Variants in ZNF827 observed in about 807,000 individuals in gnomAD.
ZNF827 encodes the protein zinc finger protein 827.
A neutral mutation model predicts 102.4 loss-of-function variants in ZNF827; 13 were observed. The observed-to-expected ratio is 0.13, with a 90% CI of 0.08 to 0.20. The LOEUF is 0.20. ZNF827 is among the 10% of genes least tolerant of loss of function. ZNF827 has a pLI of 1.00. For synonymous variants in ZNF827, 523 were observed against 536.2 expected, an observed-to-expected ratio of 0.98 and a Z score of 0.34; for missense variants, 1,103 against 1,344.4, an observed-to-expected ratio of 0.82 and a Z score of 2.81.
intron 8 of ZNF827, among the ~76,000 whole-genome samples, chr4:145,812,700 G>T (rs1742150523): frequency 6.6e-6 from 1 of 151,822 alleles, no homozygotes; most frequent in African/African-American, 2.4e-5. Flanking sequence ...GCTAACTTTT[G>T]TATTTTTAGT....
rs759732377 is a variant in ZNF827, at chr4:145,763,835, C to T, written c.3231-713G>A. Among the ~76,000 whole-genome samples, 31 of 152,176 alleles carry T rather than the reference C, an allele frequency of 2.0e-4. No individual in the cohort carries two copies. The highest frequency in any genetic ancestry group is 2.8e-4 in the Non-Finnish European group (19 of 68,022). ...TTTCCTTGAATTATAATCACCCCCT[C>T]CCCAATCCCTTCTGCCCTCCCCTCC... On this transcript the variant is annotated intron_variant, in intron 13 of 14. Coordinates refer to ENST00000508784, the MANE Select transcript of ZNF827 (RefSeq NM_001306215.2). This position sits in a 1 kb window ranked among gnomAD's most constrained non-coding sequence, Gnocchi z 4.6.
At chr4:145,787,463 G>C (rs1739040431) in intron 8 of ZNF827, among the ~76,000 whole-genome samples, 3 of 131,884 alleles carry the variant, frequency 2.3e-5, no homozygotes, top group Non-Finnish European at 1.6e-5. Context: ...CTCCGTCTCA[G>C]GAAAAAAAAA....
At chr4:145,810,007 G>A (rs1037996032) in intron 8 of ZNF827, among the ~76,000 whole-genome samples, 1 of 152,112 alleles carries the variant, frequency 6.6e-6, no homozygotes, top group African/African-American at 2.4e-5. Flanking sequence ...GACCCATCAG[G>A]CAATTACATG....
intron 8 of ZNF827, among the ~76,000 whole-genome samples, chr4:145,816,802 T>C (rs942768767): frequency 6.6e-6 from 1 of 152,216 alleles, no homozygotes; most frequent in East Asian, 1.9e-4. Flanking sequence ...CAGTGTGGAA[T>C]AGTTTTTGGA....
chr4:145,849,552 T>C lies in ZNF827; in HGVS notation c.1991A>G (p.Tyr664Cys), dbSNP rs138595837. 2 of 1,614,060 alleles carry C rather than the reference T, an allele frequency of 1.2e-6. No homozygotes were observed. The highest frequency in any genetic ancestry group is 2.2e-5 in the South Asian group (2 of 91,080). Reference protein sequence around the residue: ...ELLMKLSAESYKETQMVKIKE... With the variant: ...ELLMKLSAESCKETQMVKIKE... ...AATCTTCACCATCTGTGTTTCCTTG[T>C]AGCTTTCCGCTGCAAGTAGGTGAAT... is the stretch of plus-strand genomic sequence containing the variant. The change falls in exon 6 of 15, where the codon TAC (tyrosine) becomes TGC (cysteine). Residue 664 changes from tyrosine to cysteine, a missense_variant. Physicochemically the swap from Tyr to Cys is radical, Grantham distance 194. Coordinates refer to ENST00000508784, the MANE Select transcript of ZNF827 (RefSeq NM_001306215.2).
rs570157567 is a variant in ZNF827, at chr4:145,797,091, C to A, written c.2384-17580G>T. ...TCCTGGGGTCATGCCAAACCAGAGG[C>A]AAGGTGTTAAGGTTTTACAAAGAAT... On this transcript the variant is annotated intron_variant, in intron 8 of 14. Transcript: ENST00000508784. Among the ~76,000 whole-genome samples, 9 of 152,270 alleles carry A rather than the reference C, an allele frequency of 5.9e-5. No homozygotes were observed. In the South Asian group the frequency reaches 1.9e-3, roughly 32 times the overall value.
chr4:145,781,202 AAAAAAAAAAAAAAAAGAAAAAAAAAG>A (rs1157978102), intron 8 of ZNF827, among the ~76,000 whole-genome samples: 7 of 137,548 alleles, frequency 5.1e-5, no homozygotes, highest in Admixed American at 2.2e-4. Context: ...TCTCAAAAAA[AAAAAAAAAAAAAAAAGAAAAAAAAAG>A]AAAAAAAAAA....
At chr4:145,866,153 C>T (rs1186377289) in intron 5 of ZNF827, among the ~76,000 whole-genome samples, 2 of 152,158 alleles carry the variant, frequency 1.3e-5, no homozygotes, top group Non-Finnish European at 2.9e-5. Flanking sequence ...CCCTTGGGAT[C>T]CATAAGCCAA....
rs201045744 is a variant in ZNF827, at chr4:145,779,384, C to T, written c.2511G>A (p.Ser837=). 6.2e-6 allele frequency: 10 copies of T among 1,613,990 alleles called. No homozygotes were observed. Among genetic ancestry groups the T allele is most frequent in the African/African-American group, 5.3e-5 (4 of 75,052 alleles). ...GCCCTACTCACTCACCTGTGTGCAG[C>T]GAGAGGTGTCGGGACAATGTCTGCT... The part of the protein sequence containing the change: ...GRQQTLSRHL[S]LHTEERKYKC... The change falls in exon 9 of 15, where the codon TCG becomes TCA. Residue 837 remains serine (S), a synonymous_variant. Coordinates refer to ENST00000508784, the MANE Select transcript of ZNF827 (RefSeq NM_001306215.2).
intron 2 of ZNF827, among the ~76,000 whole-genome samples, chr4:145,901,016 C>A (rs1579517600): frequency 6.6e-6 from 1 of 152,188 alleles, no homozygotes; most frequent in African/African-American, 2.4e-5. Context: ...TCGTTGTCTT[C>A]TGCTGTTGAC....
At chr4:145,782,895 C>A (rs1354992774) in intron 8 of ZNF827, among the ~76,000 whole-genome samples, 1 of 152,174 alleles carries the variant, frequency 6.6e-6, no homozygotes, top group Non-Finnish European at 1.5e-5. Flanking sequence ...TACTTCTGTA[C>A]AATAAACTCA....
chr4:145,859,016 A>G (rs377150688), intron 5 of ZNF827, among the ~76,000 whole-genome samples: 133 of 152,320 alleles, frequency 8.7e-4, no homozygotes, highest in Middle Eastern at 3.4e-3. Flanking sequence ...TAATATAAAT[A>G]ATAATGAATC....
chr4:145,854,648 T>G (rs911137540), intron 5 of ZNF827, among the ~76,000 whole-genome samples: 5 of 152,356 alleles, frequency 3.3e-5, no homozygotes, highest in African/African-American at 1.2e-4. Context: ...TTTGTGCTCC[T>G]GCAATACTGA....
intron 8 of ZNF827, among the ~76,000 whole-genome samples, chr4:145,808,938 C>T (rs1741754240): frequency 6.6e-6 from 1 of 152,002 alleles, no homozygotes; most frequent in African/African-American, 2.4e-5. Flanking sequence ...GTAGCTGGGA[C>T]TACAGGTATA....
intron 5 of ZNF827, among the ~76,000 whole-genome samples, chr4:145,860,393 G>T (rs930179630): frequency 3.3e-5 from 5 of 152,220 alleles, no homozygotes; most frequent in Non-Finnish European, 7.3e-5. Context: ...AGCAAAAATA[G>T]GGGAAGTGTG....
In ZNF827 at chr4:145,765,655, C is replaced by G; in HGVS notation, c.2944G>C (p.Asp982His). ...SALSDSANSKDDSDGSQKNKG... is the reference protein window; with the variant it reads ...SALSDSANSKHDSDGSQKNKG... Reference sequence around the variant, plus strand: ...TTTTTCTGGGAGCCATCTGAATCATCTTTGCTGTTGGCTGAATCACTCAGA... The same window carrying G: ...TTTTTCTGGGAGCCATCTGAATCATGTTTGCTGTTGGCTGAATCACTCAGA... The change falls in exon 12 of 15, where the codon GAT (aspartate) becomes CAT (histidine). Residue 982 changes from aspartate (D) to histidine (H), a missense_variant. Physicochemically the swap from Asp to His is moderately conservative, Grantham distance 81 (BLOSUM62 -1). This residue lies in a region of ZNF827 where 242 missense variants were observed against 361.9 expected (regional missense o/e 0.67). Coordinates refer to ENST00000508784, the MANE Select transcript of ZNF827 (RefSeq NM_001306215.2). The surrounding 1 kb of genome is among the most constrained non-coding windows in gnomAD (Gnocchi z 4.7). 6.2e-7 allele frequency: 1 copy of G among 1,614,148 alleles called. No individual in the cohort carries two copies.
At chr4:145,891,024 T>C (rs1056159998) in intron 3 of ZNF827, among the ~76,000 whole-genome samples, 4 of 152,238 alleles carry the variant, frequency 2.6e-5, no homozygotes, top group Non-Finnish European at 5.9e-5. Flanking sequence ...AGGATTAGAC[T>C]GCAAGATTTC....
At chr4:145,843,119 T>G (rs1745583762) in intron 7 of ZNF827, among the ~76,000 whole-genome samples, 1 of 152,078 alleles carries the variant, frequency 6.6e-6, no homozygotes, top group South Asian at 2.1e-4. Flanking sequence ...AGAGGATTTC[T>G]TGGCATAAAA....
chr4:145,870,481 G>A lies in ZNF827; in HGVS notation c.1748-3C>T, dbSNP rs1274430196. 5 of 1,605,910 alleles carry A rather than the reference G, an allele frequency of 3.1e-6. No homozygotes were observed. The highest frequency in any genetic ancestry group is 3.5e-5 in the Admixed American group (2 of 57,114). Reference sequence around the variant, plus strand: ...CATGGGCTCCTTCTGATTTGCAGCTGTCAAAAGAAAAAAAGGGATTATATA... The same window carrying A: ...CATGGGCTCCTTCTGATTTGCAGCTATCAAAAGAAAAAAAGGGATTATATA... On this transcript the variant is annotated splice_polypyrimidine_tract_variant and splice_region_variant and intron_variant, in intron 4 of 14. Coordinates refer to ENST00000508784, the MANE Select transcript of ZNF827 (RefSeq NM_001306215.2).
Sources: gnomAD v4.1 joint callset for allele counts (sites outside exome capture counted in the v4.1 genomes callset) on GRCh38, gnomAD v4.1.1 for gene constraint, gnomAD v4.1.1 regional missense constraint, Gnocchi (gnomAD v3.1) non-coding constraint, MANE v1.5 for transcripts, NCBI Gene and HGNC (gene_info 2026-07-23, HGNC 2026-07-21) for gene names.